The following TLL1 variants were observed in gnomAD, a reference collection of about 807,000 sequenced individuals.
TLL1 encodes tolloid-like protein 1.
A neutral mutation model predicts 128.2 loss-of-function variants in TLL1; 49 were observed. The observed-to-expected ratio is 0.38, with a 90% confidence interval of 0.30 to 0.48. The LOEUF is 0.48. TLL1 is among the 20% of genes least tolerant of loss of function. TLL1 has a pLI of 0.96. For missense variants in TLL1, 1,123 were observed against 1,242.0 expected (o/e 0.90, Z 1.44); for synonymous variants, 454 against 418.8 (o/e 1.08, Z -1.03).
intron 1 of TLL1, among the ~76,000 whole-genome samples, chr4:165,901,142 C>G (rs924283623): frequency 6.6e-6 from 1 of 152,022 alleles, no homozygotes; most frequent in Non-Finnish European, 1.5e-5. Context: ...TTCCTCTAAA[C>G]TTTTTTCAAG....
intron 1 of TLL1, among the ~76,000 whole-genome samples, chr4:165,911,078 A>G (rs190322979): frequency 8.1e-4 from 124 of 152,258 alleles, no homozygotes; most frequent in Middle Eastern, 3.4e-3. Flanking sequence ...TGAGATATAT[A>G]ATGTGTTATT....
At position 165,942,627 on chromosome 4, in the gene TLL1, A is replaced by G. The variant is rs189475036; in HGVS notation, c.170-46754A>G. 1.2e-3 allele frequency among the ~76,000 whole-genome samples: 184 copies of G among 149,108 alleles called. 1 individual carries two copies. The highest frequency in any genetic ancestry group is 4.4e-3 in the African/African-American group (180 of 40,972). On this transcript the variant is annotated intron_variant, in intron 1 of 20. Transcript: ENST00000061240. ...ATATATTTTACATAATTATATATAT[A>G]CTATATATATTAATTATAAGCTGTG...
intron 1 of TLL1, among the ~76,000 whole-genome samples, chr4:165,961,637 A>T (rs1416646982): frequency 6.6e-6 from 1 of 152,174 alleles, no homozygotes; most frequent in African/African-American, 2.4e-5. Context: ...GACCAGTGGA[A>T]TAGAGCAGAG....
At position 166,068,035 on chromosome 4, in the gene TLL1, A is replaced by T. The variant is rs182151222; in HGVS notation, c.2188+2172A>T. Among the ~76,000 whole-genome samples the T allele has an allele frequency of 1.1e-4, 17 of 151,862 alleles. No individual in the cohort carries two copies. In the Admixed American group the frequency reaches 1.1e-3, roughly 10 times the overall value. On this transcript the variant is annotated intron_variant, in intron 16 of 20. Coordinates refer to ENST00000061240, the MANE Select transcript of TLL1 (RefSeq NM_012464.5). ...CTTCTTTATTAGATTATTGTTTTGT[A>T]AAGTCCAAGACAATTATTATTAAGT...
intron 1 of TLL1, among the ~76,000 whole-genome samples, chr4:165,878,795 A>G (rs947079933): frequency 2.6e-5 from 4 of 151,964 alleles, no homozygotes; most frequent in African/African-American, 7.3e-5. Flanking sequence ...AGTCAACCCT[A>G]CTTGACTCAG....
At chr4:166,078,981 T>C (rs757871210) in intron 18 of TLL1, among the ~76,000 whole-genome samples, 4 of 152,204 alleles carry the variant, frequency 2.6e-5, no homozygotes, top group Non-Finnish European at 4.4e-5. Flanking sequence ...AACATTATAA[T>C]AAAATCAGAG....
At chr4:166,060,840 G>A (rs1304902071) in intron 15 of TLL1, among the ~76,000 whole-genome samples, 3 of 152,160 alleles carry the variant, frequency 2.0e-5, no homozygotes, top group African/African-American at 4.8e-5. Context: ...AGCCTGAAAT[G>A]GGAACTTTTA....
intron 9 of TLL1, among the ~76,000 whole-genome samples, chr4:166,026,719 G>A (rs1579641950): frequency 6.6e-6 from 1 of 150,766 alleles, no homozygotes; most frequent in East Asian, 1.9e-4. Flanking sequence ...CAAACCCCAA[G>A]GAAATAGATG....
intron 18 of TLL1, among the ~76,000 whole-genome samples, chr4:166,087,143 T>G (rs1560862474): frequency 6.6e-6 from 1 of 152,110 alleles, no homozygotes; most frequent in Non-Finnish European, 1.5e-5. Context: ...CAAAACAAAA[T>G]ACAAACAAAC....
chr4:165,919,400 A>AAG lies in TLL1; in HGVS notation c.169+45327_169+45328insAG, dbSNP rs1251002126. ...CCTGCTTCAAAAAAAAAAAAAAAAA[A>AAG]GAATAAACAAAAATCAATATTACTT... On this transcript the variant is annotated intron_variant, in intron 1 of 20. Coordinates refer to ENST00000061240, the MANE Select transcript of TLL1 (RefSeq NM_012464.5). 2.0e-5 allele frequency among the ~76,000 whole-genome samples: 3 copies of AAG among 150,648 alleles called. No homozygotes were observed. In the East Asian group the frequency reaches 5.9e-4, roughly 29 times the overall value.
In TLL1 at chr4:166,051,261, TCCTCCCTC is replaced by T. The variant is rs140188894; in HGVS notation, c.1525-3803_1525-3796del. Among the ~76,000 whole-genome samples the T allele has an allele frequency of 8.6e-3, 1,159 of 135,044 alleles. 9 individuals carry two copies. Among genetic ancestry groups the T allele is most frequent in the African/African-American group, 0.01 (370 of 35,952 alleles). 88.6% of individuals were successfully genotyped at this position (135,044 alleles called of 152,430 possible). A position where few individuals can be genotyped will look rare whatever the true frequency, so the allele number is the denominator to read the frequency against. On this transcript the variant is annotated intron_variant, in intron 12 of 20. Transcript: ENST00000061240. ...TCTTTTTTCTCTTTTTTCTTTTTTC[TCCTCCCTC>T]CCTCCCTCCCTTCTTTCTTCCCTCC... is the stretch of plus-strand genomic sequence containing the variant.
At chr4:165,900,697 T>C (rs1283293701) in intron 1 of TLL1, among the ~76,000 whole-genome samples, 5 of 152,298 alleles carry the variant, frequency 3.3e-5, no homozygotes, top group African/African-American at 1.2e-4. Context: ...CCTTGGTAAA[T>C]CTGACAATTA....
intron 1 of TLL1, among the ~76,000 whole-genome samples, chr4:165,882,190 C>T (rs1408307184): frequency 6.6e-6 from 1 of 152,140 alleles, no homozygotes; most frequent in African/African-American, 2.4e-5. Flanking sequence ...AAATAAACTG[C>T]TTGGAACTCT....
At chr4:166,020,955 T>C (rs1738200073) in intron 8 of TLL1, among the ~76,000 whole-genome samples, 1 of 152,224 alleles carries the variant, frequency 6.6e-6, no homozygotes, top group Non-Finnish European at 1.5e-5. Context: ...CAAAGAATAC[T>C]TATATAGAGT....
intron 9 of TLL1, among the ~76,000 whole-genome samples, chr4:166,028,103 GT>G (rs557024327): frequency 6.6e-6 from 1 of 151,212 alleles, no homozygotes; most frequent in Non-Finnish European, 1.5e-5. Flanking sequence ...ATTCTGCTGG[GT>G]TTTTTTTCTT....
intron 1 of TLL1, among the ~76,000 whole-genome samples, chr4:165,988,232 A>G (rs180787512): frequency 4.8e-4 from 73 of 152,240 alleles, no homozygotes; most frequent in African/African-American, 1.7e-3. Flanking sequence ...AAATTCACAT[A>G]CTAGTTATCA....
At chr4:165,889,386 T>C (rs765633692) in intron 1 of TLL1, among the ~76,000 whole-genome samples, 2 of 152,236 alleles carry the variant, frequency 1.3e-5, no homozygotes, top group Non-Finnish European at 2.9e-5. Context: ...GTCCTGTGCA[T>C]GTGTGATAAA....
At chr4:166,089,372 G>T (rs533642398) in intron 18 of TLL1, among the ~76,000 whole-genome samples, 83 of 152,184 alleles carry the variant, frequency 5.5e-4, no homozygotes, top group African/African-American at 2.0e-3. Flanking sequence ...GATTTAGTAG[G>T]CCCTGTCTGT....
chr4:165,973,576 G>A (rs145156250), intron 1 of TLL1, among the ~76,000 whole-genome samples: 79 of 151,974 alleles, frequency 5.2e-4, no homozygotes, highest in African/African-American at 1.7e-3. Context: ...GAAAGGGGAG[G>A]TAAGGGCAGA....
Sources: allele counts gnomAD v4.1 joint callset (sites outside exome capture counted in the v4.1 genomes callset), GRCh38; gene constraint gnomAD v4.1.1; transcripts MANE v1.5; gene names NCBI Gene and HGNC (gene_info 2026-07-23, HGNC 2026-07-21).